Variants in CALHM4 observed in about 807,000 individuals in gnomAD.
The protein encoded by CALHM4 is calcium homeostasis modulator protein 4.
CALHM4 carries 16 observed loss-of-function variants against 13.3 expected under a neutral mutation model. The ratio of observed to expected loss-of-function variants is 1.20; its 90% CI spans 0.81 to 1.82. The LOEUF (loss-of-function observed/expected upper bound fraction) is 1.82. Among genes scored for constraint, CALHM4 ranks in the 40% most tolerant of loss-of-function variants. CALHM4 has a pLI of 0.00. For missense variants in CALHM4, 344 were observed against 374.9 expected, an observed-to-expected ratio of 0.92 and a Z score of 0.68; for synonymous variants, 127 against 137.1, an observed-to-expected ratio of 0.93 and a Z score of 0.52.
chr6:116,554,753 T>A (rs1251043000), intron 1 of CALHM4, among the ~76,000 whole-genome samples: 5 of 152,086 alleles, frequency 3.3e-5, no homozygotes, highest in Non-Finnish European at 7.4e-5. Context: ...CCATTTTCTG[T>A]ATATATATAT....
intron 2 of CALHM4, among the ~76,000 whole-genome samples, chr6:116,546,957 T>G (rs1479957562): frequency 6.6e-6 from 1 of 152,210 alleles, no homozygotes; most frequent in African/African-American, 2.4e-5. Flanking sequence ...GTTTTCGTTC[T>G]CTTCATCTCA....
At chr6:116,543,110 A>G (rs1053744461) in intron 1 of CALHM4, among the ~76,000 whole-genome samples, 1 of 152,172 alleles carries the variant, frequency 6.6e-6, no homozygotes, top group African/African-American at 2.4e-5. Flanking sequence ...TGTAGGAAAA[A>G]AATCCTTCCT....
At position 116,543,056 on chromosome 6, in the gene CALHM4, G is replaced by A. The variant is rs73769125; in HGVS notation, c.-108-709G>A. Among the ~76,000 whole-genome samples the A allele has an allele frequency of 5.7e-3, 865 of 152,214 alleles. 10 individuals carry two copies. Among genetic ancestry groups the A allele is most frequent in the African/African-American group, 0.02 (842 of 41,562 alleles). ...TATAAGCGACTCTTAAGTCACTTAA[G>A]AAATGATTTCTAACTAAAGAGAAAA... is the stretch of plus-strand genomic sequence containing the variant. On this transcript the variant is annotated intron_variant, in intron 1 of 2. Coordinates refer to the CALHM4 transcript ENST00000368597.
At chr6:116,543,805 C>T in exon 2 of CALHM4, 1 of 1,533,820 alleles carries the variant, frequency 6.5e-7, no homozygotes, top group Non-Finnish European at 8.7e-7. Flanking sequence ...GGCGTCTGCA[C>T]AATCCCTAAT....
At position 116,532,320 on chromosome 6, in the gene CALHM4, C is replaced by T. The variant is rs565821432; in HGVS notation, c.-109+3130C>T. ...CTCGCTATATTGCCCAGGCAGGTCT[C>T]GAACTCCTGGGCTCAAGCTATCCTT... On this transcript the variant is annotated intron_variant, in intron 1 of 2. Transcript: ENST00000368597. Among the ~76,000 whole-genome samples, 3 of 152,242 alleles carry T rather than the reference C, an allele frequency of 2.0e-5. No homozygotes were observed. In the East Asian group the frequency reaches 5.8e-4, roughly 29 times the overall value.
chr6:116,558,340 C>A lies in CALHM4; in HGVS notation c.*129C>A. The A allele has an allele frequency of 1.9e-6, 2 of 1,044,234 alleles. No homozygotes were observed. Among genetic ancestry groups the A allele is most frequent in the Non-Finnish European group, 2.7e-6 (2 of 750,502 alleles). The allele number at this position is 1,044,234 out of a possible 1,614,324, so 64.7% of individuals were successfully genotyped here. ...CTGATATTTGTTTACGTAAGTCCATCTCAAATATTATTTCTAAAATCAATC... is the reference window on the plus strand; with the variant it reads ...CTGATATTTGTTTACGTAAGTCCATATCAAATATTATTTCTAAAATCAATC... On this transcript the variant is annotated 3_prime_UTR_variant, in exon 2 of 2. Coordinates refer to ENST00000368596, the MANE Select transcript of CALHM4 (RefSeq NM_001366078.2).
intron 1 of CALHM4, among the ~76,000 whole-genome samples, chr6:116,533,564 G>T (rs534936324): frequency 6.6e-6 from 1 of 152,168 alleles, no homozygotes; most frequent in Non-Finnish European, 1.5e-5. Flanking sequence ...AATTTAAAAC[G>T]GCAATAGAAA....
intron 1 of CALHM4, among the ~76,000 whole-genome samples, chr6:116,535,249 C>A (rs918365630): frequency 3.9e-5 from 6 of 152,150 alleles, no homozygotes; most frequent in African/African-American, 1.4e-4. Context: ...AATATGGAAA[C>A]CAAAGTTTGG....
intron 1 of CALHM4, 21 bp from the exon 2 acceptor site, chr6:116,557,802 TTC>T (rs755369538): frequency 4.4e-6 from 7 of 1,597,834 alleles, no homozygotes; most frequent in Admixed American, 3.4e-5. Flanking sequence ...CTTCCTGTTT[TTC>T]TTTTTAATAA....
intron 1 of CALHM4, among the ~76,000 whole-genome samples, chr6:116,535,342 C>T (rs1001566317): frequency 7.2e-5 from 11 of 152,218 alleles, no homozygotes; most frequent in Non-Finnish European, 1.2e-4. Flanking sequence ...ATCTCCACTA[C>T]ATTGGACATG....
At chr6:116,543,265 C>A in intron 1 of CALHM4, 3 of 1,466,938 alleles carry the variant, frequency 2.0e-6, no homozygotes, top group Non-Finnish European at 1.9e-6. Context: ...ATGTAAGAAA[C>A]AACAGCCATT....
At chr6:116,549,665 T>C (rs1171102483), upstream of CALHM4, among the ~76,000 whole-genome samples, 2 of 151,842 alleles carry the variant, frequency 1.3e-5, no homozygotes, top group Non-Finnish European at 2.9e-5. Context: ...GATTCATTTC[T>C]GATAAAAGTA....
At chr6:116,532,256 C>G (rs1363840198) in intron 1 of CALHM4, among the ~76,000 whole-genome samples, 2 of 152,118 alleles carry the variant, frequency 1.3e-5, no homozygotes, top group African/African-American at 2.4e-5. Flanking sequence ...TATTTTCTCT[C>G]TTTTTTGTCT....
chr6:116,553,897 C>A lies in CALHM4; in HGVS notation c.104C>A (p.Ser35Tyr), dbSNP rs1454457481. 1 of 1,550,642 alleles carries A rather than the reference C, an allele frequency of 6.4e-7. No homozygotes were observed. The highest frequency in any genetic ancestry group is 1.4e-5 in the African/African-American group (1 of 73,170). Residue 35 changes from serine to tyrosine, a missense_variant, in exon 1 of 2, where the codon TCC (serine) becomes TAC (tyrosine). Coordinates refer to ENST00000368596, the MANE Select transcript of CALHM4 (RefSeq NM_001366078.2). ...ACTATTGGTGGGCAACAACTCTTCTCCTCTTCTACATTCAGCTGTCCTTGT... is the reference window on the plus strand; with the variant it reads ...ACTATTGGTGGGCAACAACTCTTCTACTCTTCTACATTCAGCTGTCCTTGT... ...ALTIGGQQLF[S>Y]SSTFSCPCQV...
At chr6:116,551,753 A>G (rs1774089787), upstream of CALHM4, among the ~76,000 whole-genome samples, 1 of 152,184 alleles carries the variant, frequency 6.6e-6, no homozygotes, top group Non-Finnish European at 1.5e-5. Context: ...CTTATGTTAT[A>G]TGGCAGATGT....
Position 116,543,813 on chromosome 6 carries a change from A to G in CALHM4, c.-60A>G, listed in dbSNP as rs1459456838. On this transcript the variant is annotated 5_prime_UTR_variant, in exon 2 of 3. Transcript: ENST00000368597. ...CTTCTCAGGCGTCTGCACAATCCCT[A>G]ATGGCCCCCAGATCTGCCAAGGAGA... 4 of 1,534,106 alleles carry G rather than the reference A, an allele frequency of 2.6e-6. No homozygotes were observed. The South Asian group carries it at 4.8e-5, about 18-fold the overall frequency.
chr6:116,540,536 T>C lies in CALHM4; in HGVS notation c.-108-3229T>C. On this transcript the variant is annotated intron_variant, in intron 1 of 2. Coordinates refer to the CALHM4 transcript ENST00000368597. ...AAGTCTGTCAGTTTTTAAGAAGCGA[T>C]TTGTGTGTTTAGCACTTGTGCAAGT... 8 of 1,433,192 alleles carry C rather than the reference T, an allele frequency of 5.6e-6. No homozygotes were observed. The South Asian group carries it at 8.7e-5, about 16-fold the overall frequency. The allele number at this position is 1,433,192 out of a possible 1,614,324, so 88.8% of individuals were successfully genotyped here.
rs76625862 is a variant in CALHM4, at chr6:116,557,396, T to A, written c.559-429T>A. Among the ~76,000 whole-genome samples, 361 of 152,312 alleles carry A rather than the reference T, an allele frequency of 2.4e-3. No individual in the cohort carries two copies. The Middle Eastern group carries it at 0.024, about 10-fold the overall frequency. ...CTTAGAAGGTTACTATTATTATGTA[T>A]CATATCATTTTCATCACCATCATTA... On this transcript the variant is annotated intron_variant, in intron 1 of 1. Transcript: ENST00000368596.
intron 1 of CALHM4, among the ~76,000 whole-genome samples, chr6:116,535,561 A>C (rs1213843007): frequency 6.6e-6 from 1 of 152,236 alleles, no homozygotes; most frequent in Non-Finnish European, 1.5e-5. Flanking sequence ...ATTTTGTATA[A>C]CTAAGGAGGT....
Sources: gnomAD v4.1 joint callset for allele counts (sites outside exome capture counted in the v4.1 genomes callset) on GRCh38, gnomAD v4.1.1 for gene constraint, MANE v1.5 for transcripts, NCBI Gene and HGNC (gene_info 2026-07-23, HGNC 2026-07-21) for gene names.